Variants in RANBP10 observed in about 807,000 individuals in gnomAD.
RANBP10 encodes RAN binding protein 10.
A neutral mutation model predicts 72.8 loss-of-function variants in RANBP10; 24 were observed. The observed-to-expected ratio is 0.33, with a 90% CI of 0.24 to 0.46. RANBP10 has a LOEUF of 0.46. Ranked by LOEUF, RANBP10 falls within the 20% of genes least tolerant of loss-of-function variation. The pLI is 1.00. For missense variants in RANBP10, 679 were observed against 817.5 expected (o/e 0.83, Z 2.07); for synonymous variants, 310 against 322.3 (o/e 0.96, Z 0.41).
chr16:67,734,794 G>A, intron 6 of RANBP10, 64 bp downstream of exon 6: 1 of 1,428,940 alleles, frequency 7.0e-7, no homozygotes, highest in Non-Finnish European at 9.2e-7. Context: ...AGCCCTACAG[G>A]GGCCTAGAGT....
At chr16:67,802,882 G>C (rs1191580122) in intron 2 of RANBP10, among the ~76,000 whole-genome samples, 2 of 152,024 alleles carry the variant, frequency 1.3e-5, no homozygotes, top group Non-Finnish European at 2.9e-5. Context: ...AAGAAAAAAA[G>C]AATCCAGGTC....
chr16:67,726,971 A>G (rs2053614012), intron 13 of RANBP10, among the ~76,000 whole-genome samples: 2 of 152,188 alleles, frequency 1.3e-5, no homozygotes, highest in Non-Finnish European at 2.9e-5. Context: ...CCACCCAGGT[A>G]GCTATGGGCT....
At chr16:67,744,152 G>A in intron 4 of RANBP10, 136 bp downstream of exon 4, 11 of 1,477,730 alleles carry the variant, frequency 7.4e-6, no homozygotes, top group Non-Finnish European at 9.9e-6. Flanking sequence ...CACCTGAAAG[G>A]GCTCCAATGC....
chr16:67,747,263 C>G (rs73591952), intron 3 of RANBP10, among the ~76,000 whole-genome samples: 1 of 152,054 alleles, frequency 6.6e-6, no homozygotes, highest in Admixed American at 6.5e-5. Context: ...TTTTAATATA[C>G]ATTTTCCCTA....
chr16:67,733,077 A>G (rs34015778), intron 6 of RANBP10, among the ~76,000 whole-genome samples: 1 of 148,686 alleles, frequency 6.7e-6, no homozygotes, highest in East Asian at 2.0e-4. Context: ...AAAAAAAAAA[A>G]TTATTGGCTG....
At chr16:67,757,366 C>T (rs1486477567) in intron 3 of RANBP10, among the ~76,000 whole-genome samples, 1 of 152,188 alleles carries the variant, frequency 6.6e-6, no homozygotes, top group South Asian at 2.1e-4. Flanking sequence ...TTGTTTCTGG[C>T]CTCCTGGGGA....
chr16:67,778,954 G>A (rs1408626834), intron 2 of RANBP10, among the ~76,000 whole-genome samples: 5 of 152,020 alleles, frequency 3.3e-5, no homozygotes, highest in South Asian at 2.1e-4. Flanking sequence ...TCAGCTGGGC[G>A]TGGTGGTGCT....
chr16:67,768,035 A>T (rs1431937705), intron 3 of RANBP10, among the ~76,000 whole-genome samples: 1 of 151,104 alleles, frequency 6.6e-6, no homozygotes, highest in Non-Finnish European at 1.5e-5. Context: ...ACTGAACCCC[A>T]GCCTGGGCAA....
At position 67,806,556 on chromosome 16, in the gene RANBP10, G is replaced by A; in HGVS notation, c.-20C>T. ...CGCCATCTTGGAGGGAGCTACTATT[G>A]TGTCACTGGGGGCGGGGAGGAGCGG... On this transcript the variant is annotated 5_prime_UTR_variant, in exon 1 of 14. Transcript: ENST00000317506. 1.4e-6 allele frequency: 2 copies of A among 1,466,726 alleles called. No homozygotes were observed. Among genetic ancestry groups the A allele is most frequent in the Non-Finnish European group, 1.8e-6 (2 of 1,116,450 alleles). 90.9% of individuals were successfully genotyped at this position (1,466,726 alleles called of 1,614,324 possible). A position where few individuals can be genotyped will look rare whatever the true frequency, so the allele number is the denominator to read the frequency against.
Position 67,772,073 on chromosome 16 carries a change from C to G in RANBP10, c.361G>C (p.Gly121Arg). ...SKGRDGYMGIGLSAQGVNMNR... is the reference protein window; with the variant it reads ...SKGRDGYMGIRLSAQGVNMNR... Reference sequence around the variant, plus strand: ...ATGTTGACGCCTTGAGCCGAGAGTCCTATTCCCATGTAACTTCAAAAAAAA... The same window carrying G: ...ATGTTGACGCCTTGAGCCGAGAGTCGTATTCCCATGTAACTTCAAAAAAAA... The change falls in exon 3 of 14, where the codon GGA (glycine) becomes CGA (arginine). Residue 121 changes from glycine to arginine, a missense_variant. Coordinates refer to ENST00000317506, the MANE Select transcript of RANBP10 (RefSeq NM_020850.3). 2 of 1,522,112 alleles carry G rather than the reference C, an allele frequency of 1.3e-6. No individual in the cohort carries two copies. Among genetic ancestry groups the G allele is most frequent in the Non-Finnish European group, 1.8e-6 (2 of 1,113,406 alleles). 94.3% of individuals were successfully genotyped at this position (1,522,112 alleles called of 1,614,324 possible). A position where few individuals can be genotyped will look rare whatever the true frequency, so the allele number is the denominator to read the frequency against.
In RANBP10 at chr16:67,726,569, A is replaced by G; in HGVS notation, c.1733-11T>C. On this transcript the variant is annotated splice_polypyrimidine_tract_variant and intron_variant, in intron 13 of 13. Coordinates refer to ENST00000317506, the MANE Select transcript of RANBP10 (RefSeq NM_020850.3). ...GCAGGTTCTGGGACTCTGTGGAGGA[A>G]AGACAAGGCCTGGTCACTGGCCTGC... is the stretch of plus-strand genomic sequence containing the variant. 1 of 1,550,266 alleles carries G rather than the reference A, an allele frequency of 6.5e-7. No homozygotes were observed. Among genetic ancestry groups the G allele is most frequent in the South Asian group, 1.2e-5 (1 of 83,868 alleles).
At chr16:67,751,017 C>G (rs908705131) in intron 3 of RANBP10, among the ~76,000 whole-genome samples, 17 of 152,006 alleles carry the variant, frequency 1.1e-4, no homozygotes, top group African/African-American at 3.9e-4. Flanking sequence ...CTGCCCGCCT[C>G]GGCCTCCCAA....
rs1460744037 is a variant in RANBP10 at position 67,805,558 on chromosome 16, T to C, written c.236-19A>G. Reference sequence around the variant, plus strand: ...CCATGACCTAACAGGAGAGGGCAAGTAAGAAATTTCAGCAGAAGGAAATGC... The same window carrying C: ...CCATGACCTAACAGGAGAGGGCAAGCAAGAAATTTCAGCAGAAGGAAATGC... On this transcript the variant is annotated intron_variant, in intron 1 of 13. Transcript: ENST00000317506. 4 of 1,603,652 alleles carry C rather than the reference T, an allele frequency of 2.5e-6. No individual in the cohort carries two copies. The highest frequency in any genetic ancestry group is 3.4e-5 in the Admixed American group (2 of 58,892).
chr16:67,800,163 G>A (rs2078182036), intron 2 of RANBP10, among the ~76,000 whole-genome samples: 1 of 152,028 alleles, frequency 6.6e-6, no homozygotes, highest in Admixed American at 6.5e-5. Context: ...AAAAACAATG[G>A]GTACTGCGCC....
At chr16:67,743,765 T>G (rs918028301) in intron 4 of RANBP10, among the ~76,000 whole-genome samples, 6 of 152,180 alleles carry the variant, frequency 3.9e-5, no homozygotes, top group Admixed American at 2.6e-4. Context: ...CTCTGGTCCA[T>G]CCTTCATGGT....
intron 2 of RANBP10, among the ~76,000 whole-genome samples, chr16:67,798,732 A>G (rs1236766998): frequency 6.6e-6 from 1 of 152,136 alleles, no homozygotes; most frequent in African/African-American, 2.4e-5. Context: ...TGAGAAAACC[A>G]TGCTAGAGCC....
chr16:67,757,136 A>G (rs1489435849), intron 3 of RANBP10, among the ~76,000 whole-genome samples: 1 of 152,208 alleles, frequency 6.6e-6, no homozygotes, highest in Non-Finnish European at 1.5e-5. Context: ...TGAACCTGGG[A>G]GGCAGAGGTT....
intron 3 of RANBP10, among the ~76,000 whole-genome samples, chr16:67,760,538 G>A (rs2054376945): frequency 6.6e-6 from 1 of 152,208 alleles, no homozygotes; most frequent in African/African-American, 2.4e-5. Context: ...GGACCATCCT[G>A]TGGAAGCAAA....
chr16:67,794,864 A>T (rs59461040), intron 2 of RANBP10, among the ~76,000 whole-genome samples: 7,551 of 147,602 alleles, frequency 0.051, 579 homozygotes, highest in African/African-American at 0.17. Context: ...AAAAAAAAAA[A>T]TTTCAGGCCA....
Sources: gnomAD v4.1 joint callset for allele counts (sites outside exome capture counted in the v4.1 genomes callset) on GRCh38, gnomAD v4.1.1 for gene constraint, MANE v1.5 for transcripts, NCBI Gene and HGNC (gene_info 2026-07-23, HGNC 2026-07-21) for gene names.